The following ATP5MC2 variants were observed in gnomAD, a reference collection of about 807,000 sequenced individuals.
ATP5MC2 encodes the protein ATP synthase F(0) complex subunit C2, mitochondrial.
Under a neutral mutation model 13.5 loss-of-function variants are expected in ATP5MC2, and 11 were observed. That is an observed-to-expected ratio of 0.81 (90% CI 0.51 to 1.35). The LOEUF (loss-of-function observed/expected upper bound fraction) is 1.35, where lower values mean the gene tolerates loss of function less well. Among genes scored for constraint, ATP5MC2 ranks in the 40% most tolerant of loss-of-function variants. ATP5MC2 has a pLI of 0.00. For synonymous variants in ATP5MC2, 64 were observed against 69.7 expected, an observed-to-expected ratio of 0.92 and a Z score of 0.41; for missense variants, 132 against 175.0, an observed-to-expected ratio of 0.75 and a Z score of 1.39.
chr12:53,671,843 C>A (rs908545739), intron 2 of ATP5MC2, among the ~76,000 whole-genome samples: 1 of 151,940 alleles, frequency 6.6e-6, no homozygotes, highest in Admixed American at 6.6e-5. Flanking sequence ...ACCAGCCTGA[C>A]CAACATGGAG....
intron 4 of ATP5MC2, among the ~76,000 whole-genome samples, chr12:53,666,066 G>A (rs1293037507): frequency 1.3e-5 from 2 of 152,224 alleles, no homozygotes; most frequent in East Asian, 1.9e-4. Context: ...CCAGCACTTT[G>A]GGAGGCCAAA....
intron 4 of ATP5MC2, among the ~76,000 whole-genome samples, chr12:53,667,742 G>C (rs574336373): frequency 1.3e-5 from 2 of 151,408 alleles, no homozygotes; most frequent in Non-Finnish European, 2.9e-5. Context: ...TGATCCGCCC[G>C]CCTCGGCCTC....
chr12:53,667,958 T>TACATACATAC (rs1565625194), intron 4 of ATP5MC2, among the ~76,000 whole-genome samples: 11 of 14,168 alleles, frequency 7.8e-4, no homozygotes, highest in African/African-American at 3.6e-3. Context: ...TACACACACA[T>TACATACATAC]ATATATATAT....
At chr12:53,667,582 C>T (rs969604275) in intron 4 of ATP5MC2, among the ~76,000 whole-genome samples, 2 of 151,912 alleles carry the variant, frequency 1.3e-5, no homozygotes, top group African/African-American at 2.4e-5. Context: ...CTGCAACCTC[C>T]GCCTTCAGGG....
chr12:53,674,443 C>T (rs1443284822), intron 1 of ATP5MC2, among the ~76,000 whole-genome samples: 1 of 152,218 alleles, frequency 6.6e-6, no homozygotes, highest in Non-Finnish European at 1.5e-5. Flanking sequence ...AGAGCGTGAC[C>T]CTAAACCCAG....
At chr12:53,669,055 A>G in intron 4 of ATP5MC2, 93 bp downstream of exon 4, 1 of 1,413,800 alleles carries the variant, frequency 7.1e-7, no homozygotes, top group Non-Finnish European at 9.3e-7. Context: ...GCTAGTGGCT[A>G]CAGTGTGGGA....
chr12:53,669,880 C>A lies in ATP5MC2; in HGVS notation c.108G>T (p.Leu36=). 6.2e-7 allele frequency: 1 copy of A among 1,613,988 alleles called. No individual in the cohort carries two copies. The highest frequency in any genetic ancestry group is 1.1e-5 in the South Asian group (1 of 91,056). ...CTCCACTGTAAGGTACCTCATCTGT[C>A]AGTATCTCCGGTCGTTTCAGCACCA... ...SAVVLKRPEI[L]TDESLSSLAV... is the part of the protein sequence containing the mutation. The change falls in exon 3 of 5, where the codon CTG becomes CTT. Residue 36 remains leucine, a synonymous_variant. Transcript: ENST00000394349.
At chr12:53,676,658 A>G (rs984732549), upstream of ATP5MC2, 1 of 184,370 alleles carries the variant, frequency 5.4e-6, no homozygotes, top group Non-Finnish European at 1.2e-5. Context: ...GAGAAGCAGC[A>G]TCAGCGAGCC....
In ATP5MC2 at chr12:53,669,913, T is replaced by G. The variant is rs749465320; in HGVS notation, c.75A>C (p.Leu25=). 8 of 1,613,930 alleles carry G rather than the reference T, an allele frequency of 5.0e-6. No homozygotes were observed. The East Asian group carries it at 1.3e-4, about 27-fold the overall frequency. Residue 25 remains leucine (L), a synonymous_variant, in exon 3 of 5, where the codon CTA becomes CTC. Transcript: ENST00000394349. ...CCGGTCGTTTCAGCACCACTGCAGA[T>G]AGCGGACGGCTCAGCAGCTGTGAGG... ...KSTSQLLSRP[L]SAVVLKRPEI...
intron 3 of ATP5MC2, among the ~76,000 whole-genome samples, chr12:53,669,628 T>G (rs1046197862): frequency 6.6e-6 from 1 of 152,200 alleles, no homozygotes; most frequent in Non-Finnish European, 1.5e-5. Context: ...GTCAGTAGAC[T>G]AGGCCAAGTA....
chr12:53,673,879 C>T (rs1412317636), intron 1 of ATP5MC2: 1 of 159,086 alleles, frequency 6.3e-6, no homozygotes, highest in Admixed American at 6.5e-5. Flanking sequence ...GATCTGACAC[C>T]CTATAGGTAT....
chr12:53,666,153 C>T (rs1944908209), intron 4 of ATP5MC2, among the ~76,000 whole-genome samples: 2 of 152,006 alleles, frequency 1.3e-5, no homozygotes, highest in Admixed American at 6.5e-5. Flanking sequence ...ACTAAAAATA[C>T]AAAAATTAGG....
intron 4 of ATP5MC2, among the ~76,000 whole-genome samples, chr12:53,666,049 T>C (rs1002795690): frequency 7.2e-5 from 11 of 152,230 alleles, no homozygotes; most frequent in Non-Finnish European, 1.3e-4. Flanking sequence ...GGCTCACACC[T>C]GTAATCCCAG....
chr12:53,679,279 G>GAGAA, upstream of ATP5MC2, among the ~76,000 whole-genome samples: 1 of 135,362 alleles, frequency 7.4e-6, no homozygotes, highest in East Asian at 2.2e-4. Context: ...GAGAGAGAGA[G>GAGAA]ACCAGGGCAC....
At chr12:53,672,101 A>AAAATAAAATAAAATAAAATAAAAT (rs1565627699) in intron 2 of ATP5MC2, among the ~76,000 whole-genome samples, 11 of 150,462 alleles carry the variant, frequency 7.3e-5, no homozygotes, top group African/African-American at 2.7e-4. Flanking sequence ...AAAAAAAAAA[A>AAAATAAAATAAAATAAAATAAAAT]AAAATTAACT....
upstream of ATP5MC2, among the ~76,000 whole-genome samples, chr12:53,677,900 A>G (rs1421979171): frequency 3.9e-5 from 6 of 152,206 alleles, no homozygotes; most frequent in Non-Finnish European, 1.5e-5. Context: ...GAATTCTTTT[A>G]AGCTGTCAGC....
chr12:53,676,312 G>C (rs1003320067), upstream of ATP5MC2: 5 of 1,447,352 alleles, frequency 3.5e-6, no homozygotes, highest in South Asian at 2.7e-5. Flanking sequence ...GGAGTAAGCC[G>C]ATCCGTAACG....
chr12:53,676,462 G>T (rs193256885), upstream of ATP5MC2: 1 of 404,354 alleles, frequency 2.5e-6, no homozygotes, highest in Non-Finnish European at 4.5e-6. Context: ...GGGGTTCAGT[G>T]CCTAAAATGC....
rs747476872 is a variant in ATP5MC2, at chr12:53,676,032, C to A, written c.-32+21G>T. The A allele has an allele frequency of 9.7e-5, 157 of 1,611,330 alleles. No homozygotes were observed. The East Asian group carries it at 2.3e-3, about 24-fold the overall frequency. ...GCGCGCGTGCGCAGCGCACAGAGGG[C>A]TCTAGGTCCCAAGGCCTTACCTGCT... On this transcript the variant is annotated intron_variant, in intron 1 of 4. Transcript: ENST00000394349.
Sources: allele counts gnomAD v4.1 joint callset (sites outside exome capture counted in the v4.1 genomes callset), GRCh38; gene constraint gnomAD v4.1.1; transcripts MANE v1.5; gene names NCBI Gene and HGNC (gene_info 2026-07-23, HGNC 2026-07-21).